The following PARVB variants were observed in gnomAD, a reference collection of about 807,000 sequenced individuals.
The protein encoded by PARVB is parvin beta.
Under a neutral mutation model 47.0 loss-of-function variants are expected in PARVB, and 46 were observed. That is an observed-to-expected ratio of 0.98 (90% CI 0.77 to 1.25). The LOEUF is 1.25. PARVB is among the 50% of genes most tolerant of loss of function. The pLI is 0.00. For synonymous variants in PARVB, 196 were observed against 196.3 expected, an observed-to-expected ratio of 1.00 and a Z score of 0.01; for missense variants, 473 against 471.6, an observed-to-expected ratio of 1.00 and a Z score of -0.03.
At chr22:44,052,434 G>A (rs950881611) in intron 1 of PARVB, among the ~76,000 whole-genome samples, 4 of 152,192 alleles carry the variant, frequency 2.6e-5, no homozygotes, top group Non-Finnish European at 5.9e-5. Flanking sequence ...TCACCCCAGT[G>A]CTAACTTCCC....
intron 8 of PARVB, 43 bp from the exon 9 acceptor site, chr22:44,147,817 GT>G (rs1713058970): frequency 6.3e-7 from 1 of 1,577,664 alleles, no homozygotes; most frequent in Admixed American, 1.7e-5. Flanking sequence ...AGCACCACGG[GT>G]TTCCATAAAC....
chr22:44,046,385 C>A (rs2051112210), intron 1 of PARVB, among the ~76,000 whole-genome samples: 1 of 152,230 alleles, frequency 6.6e-6, no homozygotes, highest in Non-Finnish European at 1.5e-5. Flanking sequence ...CCATCCATGT[C>A]AGAGGACCTG....
At position 44,024,349 on chromosome 22, in the gene PARVB, G is replaced by A. The variant is rs986959504; in HGVS notation, c.10G>A (p.Ala4Thr). The change falls in exon 1 of 13, where the codon GCG (alanine) becomes ACG (threonine). Residue 4 changes from alanine to threonine, a missense_variant. Transcript: ENST00000338758. ...GCCCCACGCGCGGCCCATGTCCTCC[G>A]CGCCGCGCTCGCCCACCCCGCGGCC... MSS[A>T]PRSPTPRPRR... 3.6e-6 allele frequency: 4 copies of A among 1,110,500 alleles called. No homozygotes were observed. Among genetic ancestry groups the A allele is most frequent in the Non-Finnish European group, 4.4e-6 (4 of 908,636 alleles). The allele number at this position is 1,110,500 out of a possible 1,614,324, so 68.8% of individuals were successfully genotyped here.
At chr22:44,140,651 C>T (rs2053533239) in intron 8 of PARVB, 1 of 513,764 alleles carries the variant, frequency 1.9e-6, no homozygotes, top group Non-Finnish European at 3.9e-6. Flanking sequence ...CTGCCCCTTC[C>T]TCTCTCTGCT....
At chr22:44,004,026 C>T (rs2050438921) in intron 2 of PARVB, among the ~76,000 whole-genome samples, 1 of 152,218 alleles carries the variant, frequency 6.6e-6, no homozygotes, top group African/African-American at 2.4e-5. Flanking sequence ...GGCCCTTCCC[C>T]ACTCTTGGGA....
At chr22:44,008,906 G>A (rs1487296247) in intron 2 of PARVB, among the ~76,000 whole-genome samples, 1 of 152,048 alleles carries the variant, frequency 6.6e-6, no homozygotes, top group Non-Finnish European at 1.5e-5. Context: ...GGAGAATGGC[G>A]TGAACCCGGG....
Position 44,132,881 on chromosome 22 carries a change from C to G in PARVB, c.518-13C>G. ...CTGATCTAAAGCGTCTCCCTTCCTC[C>G]TTCCTCCTGCAGCAATTCACGGGAA... On this transcript the variant is annotated splice_polypyrimidine_tract_variant and intron_variant, in intron 5 of 12. Coordinates refer to ENST00000338758, the MANE Select transcript of PARVB (RefSeq NM_013327.5). 1 of 1,593,974 alleles carries G rather than the reference C, an allele frequency of 6.3e-7. No individual in the cohort carries two copies. The highest frequency in any genetic ancestry group is 8.6e-7 in the Non-Finnish European group (1 of 1,161,646).
At chr22:44,035,725 C>T (rs2050910432) in intron 1 of PARVB, among the ~76,000 whole-genome samples, 1 of 151,894 alleles carries the variant, frequency 6.6e-6, no homozygotes, top group South Asian at 2.1e-4. Context: ...TGTATGAGTC[C>T]CATAGTGTTA....
At chr22:44,165,077 C>T (rs548301494) in intron 12 of PARVB, among the ~76,000 whole-genome samples, 26 of 152,312 alleles carry the variant, frequency 1.7e-4, no homozygotes, top group African/African-American at 6.0e-4. Context: ...ACTGCAACCT[C>T]TTCCTCTTGG....
intron 8 of PARVB, chr22:44,146,299 GCACA>G (rs2053674626): frequency 8.1e-6 from 1 of 123,404 alleles, no homozygotes; most frequent in Admixed American, 7.9e-5. Context: ...AACCTCACAC[GCACA>G]CACGTGCTCA....
In PARVB at chr22:44,151,406, A is replaced by G. The variant is rs2053805064; in HGVS notation, c.775-77A>G. 5 of 1,072,864 alleles carry G rather than the reference A, an allele frequency of 4.7e-6. No homozygotes were observed. In the Admixed American group the frequency reaches 5.1e-5, roughly 11 times the overall value. The allele number at this position is 1,072,864 out of a possible 1,614,324, so 66.5% of individuals were successfully genotyped here. On this transcript the variant is annotated intron_variant, in intron 9 of 12. Transcript: ENST00000338758. ...GCGTTTCACAGAGCTGGGGCTGGCA[A>G]ATGTCAAGCCTGCCCCTCCAGATGG...
At chr22:44,016,179 C>T (rs1189158458) in intron 2 of PARVB, among the ~76,000 whole-genome samples, 1 of 149,612 alleles carries the variant, frequency 6.7e-6, no homozygotes, top group Non-Finnish European at 1.5e-5. Context: ...TCACTGCAAG[C>T]TCCACCTCCC....
intron 1 of PARVB, among the ~76,000 whole-genome samples, chr22:44,046,719 A>T: frequency 6.6e-6 from 1 of 152,240 alleles, no homozygotes; most frequent in East Asian, 1.9e-4. Flanking sequence ...TGATAACTCC[A>T]CAAAAGGTTC....
chr22:44,147,736 T>G (rs2053716769), intron 8 of PARVB, 125 bp from the exon 9 acceptor site: 1 of 809,272 alleles, frequency 1.2e-6, no homozygotes, highest in African/African-American at 1.7e-5. Context: ...TTGGAAGGAT[T>G]CTAGGCAGGT....
Position 44,064,328 on chromosome 22 carries a change from C to T in PARVB, c.113-29600C>T, listed in dbSNP as rs532612574. ...TGTGGAGACGAATAACACAGGCATG[C>T]GCCGTGCCCAGGTGGAGGCAATGTT... On this transcript the variant is annotated intron_variant, in intron 1 of 12. Coordinates refer to ENST00000338758, the MANE Select transcript of PARVB (RefSeq NM_013327.5). Among the ~76,000 whole-genome samples the T allele has an allele frequency of 7.2e-5, 11 of 152,304 alleles. No individual in the cohort carries two copies. The East Asian group carries it at 1.4e-3, about 19-fold the overall frequency.
At chr22:44,094,813 C>T (rs1046283902) in intron 2 of PARVB, among the ~76,000 whole-genome samples, 2 of 151,764 alleles carry the variant, frequency 1.3e-5, no homozygotes, top group Non-Finnish European at 2.9e-5. Context: ...CTGTGGCTTT[C>T]TCTGAAGGAA....
At chr22:44,066,344 G>C (rs1303070018) in intron 1 of PARVB, among the ~76,000 whole-genome samples, 1 of 152,214 alleles carries the variant, frequency 6.6e-6, no homozygotes, top group Non-Finnish European at 1.5e-5. Flanking sequence ...TTAGCAAAAA[G>C]TCGAATCTGT....
At chr22:44,069,472 A>G (rs2051605322) in intron 1 of PARVB, among the ~76,000 whole-genome samples, 1 of 151,996 alleles carries the variant, frequency 6.6e-6, no homozygotes, top group African/African-American at 2.4e-5. Context: ...CACATGCTGC[A>G]ATTAAGATTT....
chr22:44,124,630 G>C lies in PARVB; in HGVS notation c.376+5490G>C, dbSNP rs5764548. Among the ~76,000 whole-genome samples the C allele has an allele frequency of 1.5e-4, 21 of 136,754 alleles. 1 individual carries two copies. In the East Asian group the frequency reaches 3.4e-3, roughly 22 times the overall value. The allele number at this position is 136,754 out of a possible 152,430, so 89.7% of individuals were successfully genotyped here. ...CCCCGTGGGCCATCCTGGAGGGTCA[G>C]TCCCACAGACAAGCCCCATCCTGGT... On this transcript the variant is annotated intron_variant, in intron 4 of 12. Transcript: ENST00000338758.
Sources: gnomAD v4.1 joint callset for allele counts (sites outside exome capture counted in the v4.1 genomes callset) on GRCh38, gnomAD v4.1.1 for gene constraint, MANE v1.5 for transcripts, NCBI Gene and HGNC (gene_info 2026-07-23, HGNC 2026-07-21) for gene names.